Variants in TTC38 observed in about 807,000 individuals in gnomAD.
The protein encoded by TTC38 is tetratricopeptide repeat protein 38.
A neutral mutation model predicts 64.2 loss-of-function variants in TTC38; 64 were observed. The ratio of observed to expected loss-of-function variants is 1.00; its 90% confidence interval spans 0.81 to 1.23. TTC38 has a LOEUF of 1.23. Ranked by LOEUF, TTC38 falls within the 50% of genes most tolerant of loss-of-function variation. The pLI is 0.00. For synonymous variants in TTC38, 254 were observed against 249.3 expected (o/e 1.02, Z -0.18); for missense variants, 573 against 615.5 (o/e 0.93, Z 0.73).
chr22:46,285,127 T>G (rs1601880954), intron 8 of TTC38, 114 bp from the exon 9 acceptor site: 1 of 884,082 alleles, frequency 1.1e-6, no homozygotes, highest in South Asian at 1.4e-5. Context: ...TGAGAGGAGG[T>G]GGAGGCCGGA....
intron 8 of TTC38, 119 bp from the exon 9 acceptor site, chr22:46,285,122 G>A: frequency 1.2e-6 from 1 of 845,762 alleles, no homozygotes; most frequent in South Asian, 1.4e-5. Flanking sequence ...ACCTCTGAGA[G>A]GAGGTGGAGG....
chr22:46,278,577 T>C lies in TTC38; in HGVS notation c.540-9T>C, dbSNP rs1463923692. The C allele has an allele frequency of 6.2e-7, 1 of 1,612,840 alleles. No individual in the cohort carries two copies. The highest frequency in any genetic ancestry group is 8.5e-7 in the Non-Finnish European group (1 of 1,178,910). On this transcript the variant is annotated splice_polypyrimidine_tract_variant and intron_variant, in intron 5 of 13. Coordinates refer to ENST00000381031, the MANE Select transcript of TTC38 (RefSeq NM_017931.4). Reference sequence around the variant, plus strand: ...TTTTGTATTCTGAGATCTTTTTTTCTGTTTTTAGCTATGTGAAAGGCATCT... The same window carrying C: ...TTTTGTATTCTGAGATCTTTTTTTCCGTTTTTAGCTATGTGAAAGGCATCT...
chr22:46,284,341 A>G (rs1569023373), intron 8 of TTC38, among the ~76,000 whole-genome samples: 1 of 152,240 alleles, frequency 6.6e-6, no homozygotes, highest in Non-Finnish European at 1.5e-5. Flanking sequence ...AACGGGAGCC[A>G]GGCTATGGGG....
chr22:46,272,355 C>T lies in TTC38; in HGVS notation c.132C>T (p.Asp44=), dbSNP rs1482934581. 6.2e-7 allele frequency: 1 copy of T among 1,613,744 alleles called. No homozygotes were observed. Among genetic ancestry groups the T allele is most frequent in the Admixed American group, 1.7e-5 (1 of 59,976 alleles). ...TTCAGTATGTAAAATGGACCAATGA[C>T]AAGAGTCTCGGTGGCATCGAGGGCT... The part of the protein sequence containing the change: ...TLTQYVKWTN[D]KSLGGIEGCL... Residue 44 remains aspartate (D), a synonymous_variant, in exon 3 of 14, where the codon GAC becomes GAT. Transcript: ENST00000381031. The surrounding 1 kb of genome is among the most constrained non-coding windows in gnomAD (Gnocchi z 6.4).
intron 6 of TTC38, among the ~76,000 whole-genome samples, chr22:46,280,735 G>C (rs541852832): frequency 6.6e-6 from 1 of 152,374 alleles, no homozygotes; most frequent in African/African-American, 2.4e-5. Flanking sequence ...AGGAGGTGCT[G>C]GGCCAGGGCA....
In TTC38 at chr22:46,281,498, C is replaced by G; in HGVS notation, c.616-101C>G. 2 of 1,244,142 alleles carry G rather than the reference C, an allele frequency of 1.6e-6. No homozygotes were observed. The highest frequency in any genetic ancestry group is 2.2e-6 in the Non-Finnish European group (2 of 891,204). 77.1% of individuals were successfully genotyped at this position (1,244,142 alleles called of 1,614,324 possible). A position where few individuals can be genotyped will look rare whatever the true frequency, so the allele number is the denominator to read the frequency against. On this transcript the variant is annotated intron_variant, in intron 6 of 13. Transcript: ENST00000381031. The surrounding 1 kb of genome is among the most constrained non-coding windows in gnomAD (Gnocchi z 5.2). ...GCCCCCCCACTTGCTCCACCCCGTT[C>G]AGCCCAGGCCCCTCTTGCCCCTTAG...
chr22:46,276,751 C>CATATATTAAAAAT lies in TTC38; in HGVS notation c.539+1341_539+1353dup, dbSNP rs1184845276. Among the ~76,000 whole-genome samples, 19,139 of 137,242 alleles carry CATATATTAAAAAT rather than the reference C, an allele frequency of 0.14. 3,332 individuals are homozygous for CATATATTAAAAAT. The highest frequency in any genetic ancestry group is 0.42 in the African/African-American group (14,900 of 35,750). The allele number at this position is 137,242 out of a possible 152,430, so 90.0% of individuals were successfully genotyped here. On this transcript the variant is annotated intron_variant, in intron 5 of 13. Coordinates refer to ENST00000381031, the MANE Select transcript of TTC38 (RefSeq NM_017931.4). The surrounding 1 kb of genome is among the most constrained non-coding windows in gnomAD (Gnocchi z 4.7). ...ATATTAAAAAAATATATATAAAATA[C>CATATATTAAAAAT]ATATATTAAAAATATATATTAAATA...
intron 7 of TTC38, among the ~76,000 whole-genome samples, chr22:46,283,018 G>T (rs531872138): frequency 6.6e-6 from 1 of 152,098 alleles, no homozygotes; most frequent in South Asian, 2.1e-4. Context: ...AGCCTCGACC[G>T]CCTGGGCTCA....
chr22:46,277,046 T>TACACACACACACAC (rs4044315), intron 5 of TTC38, among the ~76,000 whole-genome samples: 1 of 131,274 alleles, frequency 7.6e-6, no homozygotes, highest in African/African-American at 3.0e-5. Context: ...TATATATACA[T>TACACACACACACAC]ACACACACAC....
chr22:46,291,819 G>T lies in TTC38; in HGVS notation c.1317-972G>T, dbSNP rs542311713. 6.6e-6 allele frequency among the ~76,000 whole-genome samples: 1 copy of T among 152,294 alleles called. No individual in the cohort carries two copies. The highest frequency in any genetic ancestry group is 1.5e-5 in the Non-Finnish European group (1 of 68,024). ...AAAATACAAAAAATTAGCCGGGCGT[G>T]GTGGTGGGTACCTGTAATCCCGGCT... On this transcript the variant is annotated intron_variant, in intron 13 of 13. Transcript: ENST00000381031. This position sits in a 1 kb window ranked among gnomAD's most constrained non-coding sequence, Gnocchi z 4.6.
Position 46,275,116 on chromosome 22 carries a change from C to A in TTC38, c.366-132C>A. 1.2e-6 allele frequency: 1 copy of A among 852,206 alleles called. No homozygotes were observed. Among genetic ancestry groups the A allele is most frequent in the Non-Finnish European group, 1.8e-6 (1 of 561,530 alleles). The allele number at this position is 852,206 out of a possible 1,614,324, so 52.8% of individuals were successfully genotyped here. On this transcript the variant is annotated intron_variant, in intron 4 of 13. Coordinates refer to ENST00000381031, the MANE Select transcript of TTC38 (RefSeq NM_017931.4). This position sits in a 1 kb window ranked among gnomAD's most constrained non-coding sequence, Gnocchi z 4.5. The stretch of plus-strand genomic sequence containing the variant: ...GATTACAGGCATAAGCCACCGCACC[C>A]AGTCAGAAACTGATTTTTAAAAAAA...
rs1936907851 is a variant in TTC38, at chr22:46,272,089, C to T, written c.112-246C>T. Among the ~76,000 whole-genome samples, 1 of 152,080 alleles carries T rather than the reference C, an allele frequency of 6.6e-6. No individual in the cohort carries two copies. The highest frequency in any genetic ancestry group is 1.5e-5 in the Non-Finnish European group (1 of 68,016). On this transcript the variant is annotated intron_variant, in intron 2 of 13. Transcript: ENST00000381031. The surrounding 1 kb of genome is among the most constrained non-coding windows in gnomAD (Gnocchi z 6.4). ...TCATTGCAACCTCAGCCCCCGGGTT[C>T]AAGTGATTCTCATGCCTCTGCCTAC...
intron 13 of TTC38, among the ~76,000 whole-genome samples, chr22:46,290,909 A>G (rs981691855): frequency 7.2e-5 from 11 of 152,142 alleles, no homozygotes; most frequent in African/African-American, 2.7e-4. Context: ...CTCAGACATA[A>G]GTGAAAGGAA....
chr22:46,279,625 G>A (rs918008630), intron 6 of TTC38, among the ~76,000 whole-genome samples: 4 of 152,250 alleles, frequency 2.6e-5, no homozygotes, highest in Non-Finnish European at 5.9e-5. Context: ...CTGGGAGACA[G>A]CATTGGGGCC....
rs1462240215 is a variant in TTC38, at chr22:46,272,178, A to T, written c.112-157A>T. Among the ~76,000 whole-genome samples the T allele has an allele frequency of 6.6e-6, 1 of 151,996 alleles. No individual in the cohort carries two copies. ...ACTAATTTTTCTATTTTTAGTAGAG[A>T]TGGGGTTTTACCGTGTTGGTCAGGC... On this transcript the variant is annotated intron_variant, in intron 2 of 13. Coordinates refer to ENST00000381031, the MANE Select transcript of TTC38 (RefSeq NM_017931.4). This position sits in a 1 kb window ranked among gnomAD's most constrained non-coding sequence, Gnocchi z 6.4.
In TTC38 at chr22:46,288,488, A is replaced by C. The variant is rs1358324966; in HGVS notation, c.982A>C (p.Ile328Leu). The change falls in exon 11 of 14, where the codon ATC becomes CTC. Residue 328 changes from isoleucine to leucine, a missense_variant. Ile to Leu is a conservative substitution (Grantham distance 5). This residue lies in a region of TTC38 where 371 missense variants were observed against 381.8 expected (regional missense o/e 0.97). Transcript: ENST00000381031. Reference sequence around the variant, plus strand: ...GGCCCGGAAGCACAGCCGAGACCACATCCTGCTGTTCAATGACGCACACTT... The same window carrying C: ...GGCCCGGAAGCACAGCCGAGACCACCTCCTGCTGTTCAATGACGCACACTT... Reference protein sequence around the residue: ...PVARKHSRDHILLFNDAHFLM... With the variant: ...PVARKHSRDHLLLFNDAHFLM... 6.2e-7 allele frequency: 1 copy of C among 1,613,870 alleles called. No homozygotes were observed. Among genetic ancestry groups the C allele is most frequent in the Non-Finnish European group, 8.5e-7 (1 of 1,179,916 alleles).
rs1395979890 is a variant in TTC38, at chr22:46,282,188, C to G, written c.735+470C>G. On this transcript the variant is annotated intron_variant, in intron 7 of 13. Coordinates refer to ENST00000381031, the MANE Select transcript of TTC38 (RefSeq NM_017931.4). The surrounding 1 kb of genome is among the most constrained non-coding windows in gnomAD (Gnocchi z 4.4). The stretch of plus-strand genomic sequence containing the variant: ...ACAGAGGGGGAAGATGGAGGGCATC[C>G]TAGCCCGTCACTAGCTTGAGCAAGG... 6 of 336,770 alleles carry G rather than the reference C, an allele frequency of 1.8e-5. No homozygotes were observed. Among genetic ancestry groups the G allele is most frequent in the Non-Finnish European group, 3.6e-5 (6 of 167,142 alleles). The allele number at this position is 336,770 out of a possible 1,614,324, so 20.9% of individuals were successfully genotyped here.
At chr22:46,279,598 G>A (rs568570194) in intron 6 of TTC38, among the ~76,000 whole-genome samples, 17 of 152,308 alleles carry the variant, frequency 1.1e-4, no homozygotes, top group African/African-American at 3.8e-4. Context: ...TGCCCTAGTC[G>A]GCCTGCAGCA....
intron 8 of TTC38, 29 bp from the exon 9 acceptor site, chr22:46,285,212 G>A: frequency 1.2e-6 from 2 of 1,611,814 alleles, no homozygotes; most frequent in East Asian, 2.2e-5. Context: ...CTTCTCCAGG[G>A]TTTAATAAGG....
Sources: allele counts gnomAD v4.1 joint callset (sites outside exome capture counted in the v4.1 genomes callset), GRCh38; gene constraint gnomAD v4.1.1; regional missense constraint gnomAD v4.1.1; non-coding constraint Gnocchi (gnomAD v3.1); transcripts MANE v1.5; gene names NCBI Gene and HGNC (gene_info 2026-07-23, HGNC 2026-07-21).